The following ARK2N variants were observed in gnomAD, a reference collection of about 807,000 sequenced individuals.
The protein encoded by ARK2N is protein ARK2N.
At chr18:46,182,053 C>T in the ARK2N span, among the ~76,000 whole-genome samples, 1 of 151,964 alleles carries the variant, frequency 6.6e-6, no homozygotes, top group Admixed American at 6.6e-5. Flanking sequence ...TTGTTAGGTG[C>T]CTTATAATTA....
chr18:46,195,597 G>C, the ARK2N span, among the ~76,000 whole-genome samples: 2 of 105,662 alleles, frequency 1.9e-5, no homozygotes, highest in South Asian at 2.9e-4. Flanking sequence ...TTTTTTTTGA[G>C]GGGGAGTCTT....
At chr18:46,216,809 G>A in the ARK2N span, 1 of 512,362 alleles carries the variant, frequency 2.0e-6, no homozygotes, top group South Asian at 2.7e-5. This position sits in a 1 kb window ranked among gnomAD's most constrained non-coding sequence, Gnocchi z 4.3. Context: ...CAAAATTAAA[G>A]GGTTAATGAT....
At chr18:46,262,029 A>G in the ARK2N span, among the ~76,000 whole-genome samples, 1 of 152,192 alleles carries the variant, frequency 6.6e-6, no homozygotes, top group African/African-American at 2.4e-5. Context: ...GACTAGACTC[A>G]TGCCACTTGT....
chr18:46,243,622 A>G, the ARK2N span, among the ~76,000 whole-genome samples: 1 of 152,238 alleles, frequency 6.6e-6, no homozygotes, highest in Non-Finnish European at 1.5e-5. Flanking sequence ...CTGATCAACA[A>G]AAGACCTGAA....
the ARK2N span, chr18:46,253,770 C>T: frequency 6.2e-7 from 1 of 1,613,484 alleles, no homozygotes; most frequent in Admixed American, 1.7e-5. Context: ...AAGAAATTAA[C>T]ATTGCGTCTT....
chr18:46,234,127 C>A, the ARK2N span, among the ~76,000 whole-genome samples: 2 of 152,008 alleles, frequency 1.3e-5, no homozygotes, highest in Non-Finnish European at 2.9e-5. Flanking sequence ...TTTCTATTTT[C>A]TTGATTGATA....
chr18:46,244,601 A>ATTTTTTTTTTTTTTTT, the ARK2N span, among the ~76,000 whole-genome samples: 3 of 93,866 alleles, frequency 3.2e-5, no homozygotes, highest in South Asian at 3.9e-4. Flanking sequence ...AAGAGTTTAG[A>ATTTTTTTTTTTTTTTT]TTTTTTTTTT....
the ARK2N span, among the ~76,000 whole-genome samples, chr18:46,185,145 A>T: frequency 6.6e-6 from 1 of 152,248 alleles, no homozygotes; most frequent in Non-Finnish European, 1.5e-5. Flanking sequence ...GGTTTAAAAG[A>T]TTCAGTTGAT....
At chr18:46,259,044 T>C in the ARK2N span, among the ~76,000 whole-genome samples, 1 of 152,196 alleles carries the variant, frequency 6.6e-6, no homozygotes, top group East Asian at 1.9e-4. Flanking sequence ...TTAAAAGCCT[T>C]GTTCTGTCCT....
chr18:46,224,537 A>G, the ARK2N span, among the ~76,000 whole-genome samples: 1 of 152,226 alleles, frequency 6.6e-6, no homozygotes, highest in South Asian at 2.1e-4. Flanking sequence ...GACATACATT[A>G]AAATCACCTG....
At chr18:46,216,600 A>G in the ARK2N span, 1 of 1,603,114 alleles carries the variant, frequency 6.2e-7, no homozygotes. This position sits in a 1 kb window ranked among gnomAD's most constrained non-coding sequence, Gnocchi z 4.3. Flanking sequence ...TACCAGGTAG[A>G]GGATGTTTTT....
At chr18:46,264,225 A>G in the ARK2N span, 3 of 152,668 alleles carry the variant, frequency 2.0e-5, no homozygotes, top group Non-Finnish European at 4.4e-5. Context: ...TACAGAGTCT[A>G]AAAGGATTAG....
the ARK2N span, among the ~76,000 whole-genome samples, chr18:46,175,857 T>C: frequency 6.6e-6 from 1 of 152,162 alleles, no homozygotes; most frequent in African/African-American, 2.4e-5. Context: ...TTGTGGAAAA[T>C]AGGATGGACT....
the ARK2N span, among the ~76,000 whole-genome samples, chr18:46,176,442 A>ATG: frequency 1.4e-3 from 212 of 151,248 alleles, 1 homozygote; most frequent in African/African-American, 4.8e-3. Flanking sequence ...AAGGTGAAAA[A>ATG]TGTGTGTGTG....
At chr18:46,213,189 A>T in the ARK2N span, among the ~76,000 whole-genome samples, 1 of 151,400 alleles carries the variant, frequency 6.6e-6, no homozygotes, top group Admixed American at 6.6e-5. Context: ...TTTAGTAGAG[A>T]TGGGCTTTGA....
the ARK2N span, among the ~76,000 whole-genome samples, chr18:46,246,941 CAAAAAAA>C: frequency 1.4e-4 from 12 of 84,446 alleles, no homozygotes; most frequent in East Asian, 6.0e-4. Context: ...AACTCCATTT[CAAAAAAA>C]AAAAAAAAAA....
the ARK2N span, among the ~76,000 whole-genome samples, chr18:46,214,936 G>C: frequency 3.3e-5 from 5 of 152,184 alleles, no homozygotes; most frequent in Non-Finnish European, 7.3e-5. Flanking sequence ...CTATTGAGGG[G>C]ACTGCAGACA....
At chr18:46,190,424 G>GCAGGAGAA in the ARK2N span, among the ~76,000 whole-genome samples, 8 of 145,226 alleles carry the variant, frequency 5.5e-5, no homozygotes, top group East Asian at 2.0e-4. Flanking sequence ...GGAGTCTGAG[G>GCAGGAGAA]TTGCGGTGAG....
At chr18:46,236,433 ATTAT>A in the ARK2N span, among the ~76,000 whole-genome samples, 1 of 152,252 alleles carries the variant, frequency 6.6e-6, no homozygotes, top group African/African-American at 2.4e-5. Context: ...ATGGTTATTA[ATTAT>A]TTAACACAGA....
Sources: gnomAD v4.1 joint callset for allele counts (sites outside exome capture counted in the v4.1 genomes callset) on GRCh38, gnomAD v4.1.1 for gene constraint, Gnocchi (gnomAD v3.1) non-coding constraint, MANE v1.5 for transcripts, NCBI Gene and HGNC (gene_info 2026-07-23, HGNC 2026-07-21) for gene names.